The following EYS variants were observed in gnomAD, a reference collection of about 807,000 sequenced individuals.
EYS encodes the protein protein eyes shut homolog.
Under a neutral mutation model 282.1 loss-of-function variants are expected in EYS, and 250 were observed. That is an observed-to-expected ratio of 0.89 (90% CI 0.80 to 0.98). The LOEUF (loss-of-function observed/expected upper bound fraction) is 0.98, where lower values mean the gene tolerates loss of function less well. EYS is among the 50% of genes least tolerant of loss of function. EYS has a pLI of 0.00. For synonymous variants in EYS, 1,355 were observed against 1,282.9 expected, an observed-to-expected ratio of 1.06 and a Z score of -1.20; for missense variants, 4,016 against 3,709.0, an observed-to-expected ratio of 1.08 and a Z score of -2.15.
rs1256961293 is a variant in EYS at position 65,204,990 on chromosome 6, T to A, written c.2023+90873A>T. 5.3e-5 allele frequency among the ~76,000 whole-genome samples: 6 copies of A among 112,684 alleles called. No individual in the cohort carries two copies. The East Asian group carries it at 1.1e-3, about 21-fold the overall frequency. 73.9% of individuals were successfully genotyped at this position (112,684 alleles called of 152,430 possible). A position where few individuals can be genotyped will look rare whatever the true frequency, so the allele number is the denominator to read the frequency against. On this transcript the variant is annotated intron_variant, in intron 12 of 42. Coordinates refer to ENST00000503581, the MANE Select transcript of EYS (RefSeq NM_001142800.2). ...TTTATATATTCTAGAAGAATATATT[T>A]ATATATTCTAGAAGAATATATTTAT...
chr6:64,484,078 T>C (rs1242461031), intron 26 of EYS, among the ~76,000 whole-genome samples: 2 of 151,628 alleles, frequency 1.3e-5, no homozygotes, highest in Non-Finnish European at 3.0e-5. Flanking sequence ...TAAATGTGTC[T>C]TTAGACTGAG....
chr6:64,924,413 A>G (rs1768446132), intron 15 of EYS, among the ~76,000 whole-genome samples: 2 of 152,162 alleles, frequency 1.3e-5, no homozygotes, highest in Admixed American at 1.3e-4. Context: ...GGATGCTGTG[A>G]AGGTCTCTGG....
intron 2 of EYS, among the ~76,000 whole-genome samples, chr6:65,542,117 G>T (rs1015939303): frequency 1.3e-5 from 2 of 152,100 alleles, no homozygotes; most frequent in South Asian, 4.1e-4. Flanking sequence ...TAAATATACA[G>T]ATAGATTTGA....
chr6:64,287,891 G>GA (rs2150364270), intron 30 of EYS, among the ~76,000 whole-genome samples: 1 of 152,228 alleles, frequency 6.6e-6, no homozygotes, highest in Non-Finnish European at 1.5e-5. Context: ...GCTCAGCCTT[G>GA]AGCCCCAAAC....
At chr6:63,763,652 G>C (rs571021002) in intron 40 of EYS, among the ~76,000 whole-genome samples, 50 of 151,726 alleles carry the variant, frequency 3.3e-4, no homozygotes, top group Non-Finnish European at 5.4e-4. Flanking sequence ...CTGCCACCAT[G>C]TTAGGAAGGA....
intron 40 of EYS, 82 bp downstream of exon 40, chr6:63,777,924 T>C: frequency 7.9e-7 from 1 of 1,258,336 alleles, no homozygotes; most frequent in Non-Finnish European, 1.1e-6. Context: ...GTTCCTAGTT[T>C]GTACAAGTGG....
chr6:64,393,276 T>C (rs568845566), intron 28 of EYS, among the ~76,000 whole-genome samples: 124 of 152,330 alleles, frequency 8.1e-4, no homozygotes, highest in African/African-American at 2.7e-3. Flanking sequence ...CCCTAACTCA[T>C]TTTATAAGGC....
At chr6:64,934,062 T>A (rs1305720726) in intron 15 of EYS, among the ~76,000 whole-genome samples, 1 of 151,750 alleles carries the variant, frequency 6.6e-6, no homozygotes, top group Non-Finnish European at 1.5e-5. Context: ...CACCATGGCA[T>A]GTGTATGGCA....
intron 12 of EYS, among the ~76,000 whole-genome samples, chr6:65,185,411 T>C (rs999523243): frequency 6.6e-6 from 1 of 151,814 alleles, no homozygotes; most frequent in African/African-American, 2.4e-5. Context: ...CAGAGCAGCA[T>C]CCAGTTTTAG....
At chr6:64,449,850 A>G (rs1775258653) in intron 26 of EYS, among the ~76,000 whole-genome samples, 1 of 152,192 alleles carries the variant, frequency 6.6e-6, no homozygotes, top group South Asian at 2.1e-4. Context: ...AGAGCTCCTG[A>G]AGGAAGCACT....
chr6:64,757,194 T>C (rs1772968316), intron 22 of EYS, among the ~76,000 whole-genome samples: 1 of 152,314 alleles, frequency 6.6e-6, no homozygotes, highest in Non-Finnish European at 1.5e-5. Context: ...ATGTTTTTTG[T>C]CTGTAAGAAA....
At chr6:64,648,558 G>A (rs1338309521) in intron 22 of EYS, among the ~76,000 whole-genome samples, 1 of 152,158 alleles carries the variant, frequency 6.6e-6, no homozygotes, top group African/African-American at 2.4e-5. Context: ...TTAAAAAACT[G>A]ATTGATAATA....
intron 30 of EYS, among the ~76,000 whole-genome samples, chr6:64,274,397 C>G (rs1027939467): frequency 6.6e-6 from 1 of 150,676 alleles, no homozygotes; most frequent in Non-Finnish European, 1.5e-5. Context: ...GTCTCAAACT[C>G]CTGGGCCCAA....
At chr6:64,272,053 G>C (rs538240642) in intron 30 of EYS, among the ~76,000 whole-genome samples, 1 of 151,970 alleles carries the variant, frequency 6.6e-6, no homozygotes, top group Non-Finnish European at 1.5e-5. Context: ...TTTAAGTTTT[G>C]TAATATATTT....
chr6:64,687,720 T>G (rs1346842826), intron 22 of EYS, among the ~76,000 whole-genome samples: 1 of 152,226 alleles, frequency 6.6e-6, no homozygotes, highest in Non-Finnish European at 1.5e-5. Flanking sequence ...GTTATCAGCA[T>G]GATGCTGGCC....
intron 2 of EYS, among the ~76,000 whole-genome samples, chr6:65,588,933 CTT>C (rs900260814): frequency 4.6e-5 from 7 of 151,882 alleles, no homozygotes; most frequent in Non-Finnish European, 1.0e-4. Flanking sequence ...AAATCAATGA[CTT>C]TTATATTTTT....
intron 22 of EYS, among the ~76,000 whole-genome samples, chr6:64,708,870 AC>A (rs1208668761): frequency 6.6e-6 from 1 of 152,208 alleles, no homozygotes; most frequent in Non-Finnish European, 1.5e-5. Flanking sequence ...CTTAGATCCT[AC>A]CAGAATTTAT....
intron 31 of EYS, among the ~76,000 whole-genome samples, chr6:64,112,993 T>C (rs998548484): frequency 6.6e-6 from 1 of 151,950 alleles, no homozygotes; most frequent in South Asian, 2.1e-4. Context: ...TAGAGTTCTG[T>C]AATTATAAAT....
At chr6:64,277,674 A>T (rs1649601212) in intron 30 of EYS, among the ~76,000 whole-genome samples, 1 of 152,260 alleles carries the variant, frequency 6.6e-6, no homozygotes, top group East Asian at 1.9e-4. Flanking sequence ...TGTACACCAT[A>T]AAGTAGAATT....
Sources: allele counts gnomAD v4.1 joint callset (sites outside exome capture counted in the v4.1 genomes callset), GRCh38; gene constraint gnomAD v4.1.1; transcripts MANE v1.5; gene names NCBI Gene and HGNC (gene_info 2026-07-23, HGNC 2026-07-21).